The following NCAM2 variants were observed in gnomAD, a reference collection of about 807,000 sequenced individuals.
NCAM2 encodes N-CAM-2.
A neutral mutation model predicts 98.1 loss-of-function variants in NCAM2; 30 were observed. The ratio of observed to expected loss-of-function variants is 0.31; its 90% CI spans 0.23 to 0.41. The LOEUF (loss-of-function observed/expected upper bound fraction) is 0.41, where lower values mean the gene tolerates loss of function less well. Among genes scored for constraint, NCAM2 ranks in the 10% least tolerant of loss-of-function variants. The probability of loss-of-function intolerance (pLI) is 1.00; values close to 1 mark genes in which losing one functional copy is unlikely to be tolerated. For synonymous variants in NCAM2, 368 were observed against 342.4 expected, an observed-to-expected ratio of 1.07 and a Z score of -0.83; for missense variants, 867 against 1,005.8, an observed-to-expected ratio of 0.86 and a Z score of 1.87.
chr21:21,465,450 G>A (rs899445833), intron 12 of NCAM2, among the ~76,000 whole-genome samples: 1 of 151,518 alleles, frequency 6.6e-6, no homozygotes, highest in Non-Finnish European at 1.5e-5. Context: ...TAAATACCAT[G>A]ATCATAAATA....
At position 21,049,168 on chromosome 21, in the gene NCAM2, C is replaced by T. The variant is rs899617656; in HGVS notation, c.55+50550C>T. On this transcript the variant is annotated intron_variant, in intron 1 of 17. Transcript: ENST00000400546. ...CGAGTAGGCTGGGACTACAGGCGCC[C>T]GCCACCGCGCCCGGCTAATTTTTTG... 2.7e-3 allele frequency among the ~76,000 whole-genome samples: 388 copies of T among 143,418 alleles called. 2 individuals are homozygous for T. Among genetic ancestry groups the T allele is most frequent in the Middle Eastern group, 6.9e-3 (2 of 288 alleles). The allele number at this position is 143,418 out of a possible 152,430, so 94.1% of individuals were successfully genotyped here.
chr21:21,454,259 A>G (rs890268983), intron 12 of NCAM2, among the ~76,000 whole-genome samples: 1 of 152,044 alleles, frequency 6.6e-6, no homozygotes, highest in Non-Finnish European at 1.5e-5. Flanking sequence ...ATTCTTCCCT[A>G]ATTCATATTA....
At chr21:21,160,445 T>A (rs73226377) in intron 1 of NCAM2, among the ~76,000 whole-genome samples, 1 of 152,078 alleles carries the variant, frequency 6.6e-6, no homozygotes, top group Non-Finnish European at 1.5e-5. Context: ...AATATGAGAA[T>A]GGCTATTTTA....
At chr21:21,362,614 A>C (rs2075676245) in intron 8 of NCAM2, among the ~76,000 whole-genome samples, 1 of 152,024 alleles carries the variant, frequency 6.6e-6, no homozygotes, top group Non-Finnish European at 1.5e-5. Flanking sequence ...TCCTCCATAA[A>C]TCCTAGGGCA....
At chr21:21,136,908 T>TTG (rs1249903079) in intron 1 of NCAM2, among the ~76,000 whole-genome samples, 2 of 152,028 alleles carry the variant, frequency 1.3e-5, no homozygotes, top group African/African-American at 4.8e-5. Flanking sequence ...TTGATTTTTT[T>TTG]TTTTTGGTTT....
chr21:21,495,259 C>A (rs1421388783), intron 15 of NCAM2, among the ~76,000 whole-genome samples: 1 of 151,724 alleles, frequency 6.6e-6, no homozygotes, highest in East Asian at 1.9e-4. Context: ...TACCAATAGA[C>A]TTTAATTATG....
At position 21,049,180 on chromosome 21, in the gene NCAM2, C is replaced by T. The variant is rs967855271; in HGVS notation, c.55+50562C>T. Among the ~76,000 whole-genome samples, 402 of 143,026 alleles carry T rather than the reference C, an allele frequency of 2.8e-3. 2 individuals carry two copies. The highest frequency in any genetic ancestry group is 9.9e-3 in the African/African-American group (374 of 37,836). The allele number at this position is 143,026 out of a possible 152,430, so 93.8% of individuals were successfully genotyped here. ...GACTACAGGCGCCCGCCACCGCGCC[C>T]GGCTAATTTTTTGTATTTTTAGTAG... On this transcript the variant is annotated intron_variant, in intron 1 of 17. Coordinates refer to ENST00000400546, the MANE Select transcript of NCAM2 (RefSeq NM_004540.5).
intron 1 of NCAM2, among the ~76,000 whole-genome samples, chr21:21,174,415 A>G (rs1364944474): frequency 6.6e-6 from 1 of 152,186 alleles, no homozygotes; most frequent in Non-Finnish European, 1.5e-5. Flanking sequence ...CTAGGAAAAA[A>G]TATTAGTTTT....
At chr21:21,218,591 A>T (rs2147119683) in intron 1 of NCAM2, among the ~76,000 whole-genome samples, 1 of 152,338 alleles carries the variant, frequency 6.6e-6, no homozygotes, top group African/African-American at 2.4e-5. Context: ...GGAGTCCTTA[A>T]AATAGTTTGA....
chr21:21,516,433 C>T (rs1020567537), intron 16 of NCAM2, among the ~76,000 whole-genome samples: 13 of 151,706 alleles, frequency 8.6e-5, no homozygotes, highest in Admixed American at 7.2e-4. Flanking sequence ...TAAAATGAAA[C>T]GCCATATGCC....
chr21:21,334,888 G>A (rs2826806), intron 6 of NCAM2, among the ~76,000 whole-genome samples: 25,925 of 151,814 alleles, frequency 0.17, 2,599 homozygotes, highest in East Asian at 0.25. Flanking sequence ...TAATTATTTG[G>A]GACTAAGAGG....
intron 12 of NCAM2, among the ~76,000 whole-genome samples, chr21:21,442,056 A>C (rs1475076558): frequency 6.6e-6 from 1 of 152,196 alleles, no homozygotes; most frequent in Non-Finnish European, 1.5e-5. Flanking sequence ...AAGTTCCAGA[A>C]GCACTGATAT....
In NCAM2 at chr21:21,037,870, A is replaced by G. The variant is rs530351013; in HGVS notation, c.55+39252A>G. On this transcript the variant is annotated intron_variant, in intron 1 of 17. Transcript: ENST00000400546. Reference sequence around the variant, plus strand: ...TGGAACATACATGGAAGAATGGTTTAATTTTTTGATAGTGTTGAAGCAGAA... The same window carrying G: ...TGGAACATACATGGAAGAATGGTTTGATTTTTTGATAGTGTTGAAGCAGAA... Among the ~76,000 whole-genome samples the G allele has an allele frequency of 2.6e-4, 39 of 152,296 alleles. No homozygotes were observed. The South Asian group carries it at 8.1e-3, about 32-fold the overall frequency.
At chr21:21,268,741 T>A (rs2072386615) in intron 1 of NCAM2, among the ~76,000 whole-genome samples, 1 of 152,212 alleles carries the variant, frequency 6.6e-6, no homozygotes, top group African/African-American at 2.4e-5. Context: ...TCCTCCAACC[T>A]GGAAGGAATC....
intron 1 of NCAM2, among the ~76,000 whole-genome samples, chr21:21,113,538 T>TG (rs2066494942): frequency 6.6e-6 from 1 of 152,132 alleles, no homozygotes; most frequent in African/African-American, 2.4e-5. Flanking sequence ...AGTTGCTTTT[T>TG]GTTTCTTTTA....
chr21:21,045,897 C>T (rs1182758233), intron 1 of NCAM2, among the ~76,000 whole-genome samples: 3 of 152,112 alleles, frequency 2.0e-5, no homozygotes, highest in Admixed American at 6.6e-5. Context: ...TCTGATAAAC[C>T]AGCTGTAGAG....
At chr21:21,001,693 G>T (rs755746460) in intron 1 of NCAM2, among the ~76,000 whole-genome samples, 19 of 152,184 alleles carry the variant, frequency 1.2e-4, no homozygotes, top group Admixed American at 5.9e-4. Context: ...ATGTAAGATA[G>T]AAGCACTGTT....
chr21:21,319,894 T>C (rs2074329915), intron 5 of NCAM2, among the ~76,000 whole-genome samples: 1 of 152,338 alleles, frequency 6.6e-6, no homozygotes, highest in Non-Finnish European at 1.5e-5. Context: ...AGGAAATACT[T>C]ATTTGATTAA....
At chr21:21,014,677 C>G (rs1286800635) in intron 1 of NCAM2, among the ~76,000 whole-genome samples, 1 of 152,212 alleles carries the variant, frequency 6.6e-6, no homozygotes, top group Non-Finnish European at 1.5e-5. Flanking sequence ...CCTACTAACA[C>G]AACATTCATT....
Sources: gnomAD v4.1 joint callset for allele counts (sites outside exome capture counted in the v4.1 genomes callset) on GRCh38, gnomAD v4.1.1 for gene constraint, MANE v1.5 for transcripts, NCBI Gene and HGNC (gene_info 2026-07-23, HGNC 2026-07-21) for gene names.